The following CCSER1 variants were observed in gnomAD, a reference collection of about 807,000 sequenced individuals.
CCSER1 encodes serine-rich coiled-coil domain-containing protein 1.
In CCSER1, 41 loss-of-function variants were observed where a neutral mutation model predicts 82.0. The ratio of observed to expected loss-of-function variants is 0.50; its 90% CI spans 0.39 to 0.65. The LOEUF (loss-of-function observed/expected upper bound fraction) is 0.65, where lower values mean the gene tolerates loss of function less well. Ranked by LOEUF, CCSER1 falls within the 30% of genes least tolerant of loss-of-function variation. CCSER1 has a pLI of 0.00. For synonymous variants in CCSER1, 414 were observed against 383.9 expected (o/e 1.08, Z -0.92); for missense variants, 1,119 against 1,064.2 (o/e 1.05, Z -0.72).
At chr4:90,420,766 A>G (rs1756563238) in intron 4 of CCSER1, among the ~76,000 whole-genome samples, 1 of 152,120 alleles carries the variant, frequency 6.6e-6, no homozygotes, top group Admixed American at 6.6e-5. Flanking sequence ...CTATTGTAGC[A>G]TTTCCTACTG....
At chr4:91,537,085 G>A (rs1761336102) in intron 10 of CCSER1, among the ~76,000 whole-genome samples, 1 of 152,000 alleles carries the variant, frequency 6.6e-6, no homozygotes, top group Non-Finnish European at 1.5e-5. Context: ...ACTAAAAATG[G>A]TTAATAGTCA....
intron 9 of CCSER1, among the ~76,000 whole-genome samples, chr4:91,085,430 A>T (rs563481216): frequency 6.6e-6 from 1 of 152,208 alleles, no homozygotes. Flanking sequence ...CTTAAAGTGG[A>T]TCCTTCTTTT....
intron 1 of CCSER1, among the ~76,000 whole-genome samples, chr4:90,155,059 T>C (rs1187856507): frequency 6.6e-6 from 1 of 152,228 alleles, no homozygotes; most frequent in Non-Finnish European, 1.5e-5. Flanking sequence ...ATCCCATCAA[T>C]ACCTAATTTA....
chr4:91,361,560 A>G (rs1749244543), intron 10 of CCSER1, among the ~76,000 whole-genome samples: 1 of 151,846 alleles, frequency 6.6e-6, no homozygotes, highest in Non-Finnish European at 1.5e-5. Context: ...AAAAGCTGTA[A>G]GTTATAATGG....
At chr4:91,142,841 T>C (rs1352559040) in intron 10 of CCSER1, among the ~76,000 whole-genome samples, 1 of 152,078 alleles carries the variant, frequency 6.6e-6, no homozygotes, top group Non-Finnish European at 1.5e-5. Flanking sequence ...GGACTTTGTG[T>C]CTGTTTTTTT....
At chr4:91,233,939 C>A (rs1336104980) in intron 10 of CCSER1, among the ~76,000 whole-genome samples, 2 of 151,862 alleles carry the variant, frequency 1.3e-5, no homozygotes, top group African/African-American at 4.8e-5. Context: ...CAATTACCTG[C>A]ATTTTGGGTT....
intron 10 of CCSER1, among the ~76,000 whole-genome samples, chr4:91,248,465 G>C (rs1739986911): frequency 6.6e-6 from 1 of 152,188 alleles, no homozygotes; most frequent in African/African-American, 2.4e-5. Context: ...TGAATCCTTG[G>C]ATAAGATTGG....
At chr4:90,608,270 C>T (rs756857585) in intron 5 of CCSER1, among the ~76,000 whole-genome samples, 1 of 152,092 alleles carries the variant, frequency 6.6e-6, no homozygotes. Flanking sequence ...ATCTGAGGTT[C>T]GTCACCCAAA....
intron 10 of CCSER1, among the ~76,000 whole-genome samples, chr4:91,493,798 T>C (rs1300699665): frequency 6.6e-6 from 1 of 151,830 alleles, no homozygotes; most frequent in Non-Finnish European, 1.5e-5. Context: ...ATTTCTTTTC[T>C]AGATACCACA....
intron 4 of CCSER1, among the ~76,000 whole-genome samples, chr4:90,416,944 A>G (rs1755891537): frequency 6.6e-6 from 1 of 152,218 alleles, no homozygotes; most frequent in Non-Finnish European, 1.5e-5. Context: ...AACTTAACAC[A>G]GGAACAGAAA....
intron 10 of CCSER1, among the ~76,000 whole-genome samples, chr4:91,405,940 G>A (rs545305229): frequency 1.9e-4 from 29 of 152,134 alleles, no homozygotes; most frequent in African/African-American, 3.1e-4. Flanking sequence ...GAAATCACCC[G>A]TCTTCTACAT....
chr4:90,749,050 C>T (rs2149474845), intron 7 of CCSER1, among the ~76,000 whole-genome samples: 1 of 151,918 alleles, frequency 6.6e-6, no homozygotes, highest in East Asian at 1.9e-4. Flanking sequence ...AATTAGATCC[C>T]ATTTGTCAAT....
At chr4:90,303,810 T>C (rs1733670723) in intron 1 of CCSER1, among the ~76,000 whole-genome samples, 1 of 151,922 alleles carries the variant, frequency 6.6e-6, no homozygotes, top group African/African-American at 2.4e-5. Flanking sequence ...TGGGATCTAA[T>C]TAAACTAAAG....
intron 8 of CCSER1, among the ~76,000 whole-genome samples, chr4:90,832,194 A>G (rs927184171): frequency 1.3e-5 from 2 of 152,082 alleles, no homozygotes. Flanking sequence ...TTCTTGAAAT[A>G]AAATAAAAAT....
At chr4:90,970,411 G>GA (rs1313231862) in intron 9 of CCSER1, among the ~76,000 whole-genome samples, 2 of 151,570 alleles carry the variant, frequency 1.3e-5, no homozygotes, top group South Asian at 2.1e-4. Flanking sequence ...TATAGCAAGT[G>GA]AAAAAAATAT....
chr4:91,332,210 T>C (rs1306724683), intron 10 of CCSER1, among the ~76,000 whole-genome samples: 2 of 152,022 alleles, frequency 1.3e-5, no homozygotes, highest in Admixed American at 6.6e-5. Flanking sequence ...TAATTATTTA[T>C]AGCATAATTG....
At chr4:91,203,385 GTATT>G (rs1181651191) in intron 10 of CCSER1, among the ~76,000 whole-genome samples, 1 of 151,666 alleles carries the variant, frequency 6.6e-6, no homozygotes, top group Non-Finnish European at 1.5e-5. Flanking sequence ...ATTGTAACCA[GTATT>G]TATTTAACAA....
At chr4:91,384,563 A>C (rs1348706084) in intron 10 of CCSER1, among the ~76,000 whole-genome samples, 1 of 152,034 alleles carries the variant, frequency 6.6e-6, no homozygotes, top group Non-Finnish European at 1.5e-5. Flanking sequence ...ATTATGTGCA[A>C]GAATAATATA....
At chr4:91,362,611 C>A (rs918187855) in intron 10 of CCSER1, among the ~76,000 whole-genome samples, 4 of 151,820 alleles carry the variant, frequency 2.6e-5, no homozygotes, top group Non-Finnish European at 5.9e-5. Context: ...GGGGCTAAGG[C>A]TATCTGAGTT....
Sources: allele counts gnomAD v4.1 joint callset (sites outside exome capture counted in the v4.1 genomes callset), GRCh38; gene constraint gnomAD v4.1.1; transcripts MANE v1.5; gene names NCBI Gene and HGNC (gene_info 2026-07-23, HGNC 2026-07-21).